EXOC6B: variants seen among roughly 807,000 people sequenced by gnomAD.
EXOC6B encodes exocyst complex component 6B, also known as SEC15 homolog B.
In EXOC6B, 54 loss-of-function variants were observed where a neutral mutation model predicts 113.5. The ratio of observed to expected loss-of-function variants is 0.48; its 90% CI spans 0.38 to 0.60. The LOEUF (loss-of-function observed/expected upper bound fraction) is 0.60, where lower values mean the gene tolerates loss of function less well. Among genes scored for constraint, EXOC6B ranks in the 20% least tolerant of loss-of-function variants. The probability of loss-of-function intolerance (pLI) is 0.00; values close to 1 mark genes in which losing one functional copy is unlikely to be tolerated. For synonymous variants in EXOC6B, 357 were observed against 339.0 expected (o/e 1.05, Z -0.58); for missense variants, 797 against 977.5 (o/e 0.82, Z 2.46).
chr2:72,429,304 T>C (rs994370918), intron 18 of EXOC6B, among the ~76,000 whole-genome samples: 1 of 152,214 alleles, frequency 6.6e-6, no homozygotes, highest in Non-Finnish European at 1.5e-5. Context: ...ATGAAGATAT[T>C]GAAAGATAAC....
At chr2:72,181,978 T>C (rs558860929) in intron 21 of EXOC6B, among the ~76,000 whole-genome samples, 1 of 152,340 alleles carries the variant, frequency 6.6e-6, no homozygotes, top group South Asian at 2.1e-4. Flanking sequence ...GCAGGTCTTT[T>C]GTCTTTCTGT....
intron 18 of EXOC6B, among the ~76,000 whole-genome samples, chr2:72,411,522 G>A (rs1488646567): frequency 1.3e-5 from 2 of 152,174 alleles, no homozygotes; most frequent in Non-Finnish European, 2.9e-5. Context: ...ATTGAAAAGG[G>A]AGGAGATTAA....
intron 18 of EXOC6B, among the ~76,000 whole-genome samples, chr2:72,397,979 G>A (rs540251148): frequency 3.3e-5 from 5 of 152,088 alleles, no homozygotes; most frequent in Admixed American, 3.3e-4. Flanking sequence ...CAAAGGAAAG[G>A]GTATAGCATT....
chr2:72,427,609 A>G (rs1237648648), intron 18 of EXOC6B, among the ~76,000 whole-genome samples: 1 of 152,172 alleles, frequency 6.6e-6, no homozygotes, highest in Non-Finnish European at 1.5e-5. Context: ...TGTGGGGAAC[A>G]TGAGGGGGTG....
intron 16 of EXOC6B, among the ~76,000 whole-genome samples, chr2:72,482,347 C>CT (rs533485047): frequency 2.2e-4 from 33 of 151,968 alleles, no homozygotes; most frequent in Non-Finnish European, 4.3e-4. Context: ...TAGAATGGAC[C>CT]TTTTTTTTGT....
At position 72,735,330 on chromosome 2, in the gene EXOC6B, C is replaced by T. The variant is rs576559080; in HGVS notation, c.280-2212G>A. Among the ~76,000 whole-genome samples, 11 of 152,238 alleles carry T rather than the reference C, an allele frequency of 7.2e-5. No individual in the cohort carries two copies. In the South Asian group the frequency reaches 1.5e-3, roughly 20 times the overall value. On this transcript the variant is annotated intron_variant, in intron 2 of 21. Coordinates refer to ENST00000272427, the MANE Select transcript of EXOC6B (RefSeq NM_015189.3). The stretch of plus-strand genomic sequence containing the variant: ...TCAGTACACAAGTATAGGGAACACA[C>T]ACACAATTTTCAAGAAACAATGTTT...
At chr2:72,713,220 T>A (rs1408952206) in intron 6 of EXOC6B, among the ~76,000 whole-genome samples, 1 of 152,004 alleles carries the variant, frequency 6.6e-6, no homozygotes, top group Non-Finnish European at 1.5e-5. Flanking sequence ...TCAGGACACA[T>A]TGGGTAGAAG....
intron 6 of EXOC6B, among the ~76,000 whole-genome samples, chr2:72,714,505 T>C (rs1017475871): frequency 6.6e-6 from 1 of 152,190 alleles, no homozygotes; most frequent in African/African-American, 2.4e-5. Context: ...CTCAGAAAAG[T>C]ATTAGCTCAT....
At chr2:72,719,651 G>A (rs1558947233) in intron 5 of EXOC6B, among the ~76,000 whole-genome samples, 1 of 152,170 alleles carries the variant, frequency 6.6e-6, no homozygotes, top group Admixed American at 6.5e-5. Flanking sequence ...ACTCACTCAA[G>A]TTTGTTTGAG....
chr2:72,472,624 T>A (rs1286122266), intron 17 of EXOC6B, among the ~76,000 whole-genome samples: 1 of 152,158 alleles, frequency 6.6e-6, no homozygotes, highest in Non-Finnish European at 1.5e-5. Flanking sequence ...GTGGTTGTTA[T>A]CAATTTTACC....
chr2:72,614,744 T>C (rs1240006776), intron 6 of EXOC6B, among the ~76,000 whole-genome samples: 1 of 152,126 alleles, frequency 6.6e-6, no homozygotes, highest in Non-Finnish European at 1.5e-5. Flanking sequence ...ACTGCAGAAC[T>C]ACAAGGACAA....
chr2:72,575,676 A>G lies in EXOC6B; in HGVS notation c.670-8T>C, dbSNP rs1405362962. The G allele has an allele frequency of 6.3e-7, 1 of 1,577,362 alleles. No individual in the cohort carries two copies. ...GTTTCTTTGCTGCTGGGCCTAGGAT[A>G]GAGAAGAACACACACAAACACACCA... On this transcript the variant is annotated splice_polypyrimidine_tract_variant and splice_region_variant and intron_variant, in intron 6 of 21. Transcript: ENST00000272427.
At chr2:72,515,271 A>G (rs1362104162) in intron 8 of EXOC6B, 145 bp from the exon 9 acceptor site, 1 of 914,104 alleles carries the variant, frequency 1.1e-6, no homozygotes, top group Non-Finnish European at 1.6e-6. Context: ...TGATAACAAT[A>G]GAAAATACAA....
chr2:72,535,408 A>G (rs1410841201), intron 8 of EXOC6B, among the ~76,000 whole-genome samples: 1 of 152,194 alleles, frequency 6.6e-6, no homozygotes, highest in South Asian at 2.1e-4. Context: ...CTAAGAATTC[A>G]TATTAGGGAT....
intron 8 of EXOC6B, among the ~76,000 whole-genome samples, chr2:72,558,542 G>T (rs538123568): frequency 6.6e-6 from 1 of 152,036 alleles, no homozygotes; most frequent in African/African-American, 2.4e-5. Flanking sequence ...AGACCCAGAC[G>T]GTGGATGACC....
At chr2:72,343,405 C>T (rs1689147992) in intron 19 of EXOC6B, among the ~76,000 whole-genome samples, 1 of 152,188 alleles carries the variant, frequency 6.6e-6, no homozygotes, top group South Asian at 2.1e-4. Flanking sequence ...CCAGCCTGGG[C>T]AACAGAGTGA....
At position 72,496,449 on chromosome 2, in the gene EXOC6B, C is replaced by G; in HGVS notation, c.1443+5G>C. 1 of 1,549,688 alleles carries G rather than the reference C, an allele frequency of 6.5e-7. No homozygotes were observed. The highest frequency in any genetic ancestry group is 8.8e-7 in the Non-Finnish European group (1 of 1,131,516). ...CAGAGAAATTTATTTTAAAGTATTC[C>G]TTACCTTTTCCAGTTCTATATCTTG... is the stretch of plus-strand genomic sequence containing the variant. On this transcript the variant is annotated splice_donor_5th_base_variant and intron_variant, in intron 14 of 21. Coordinates refer to ENST00000272427, the MANE Select transcript of EXOC6B (RefSeq NM_015189.3).
chr2:72,343,100 A>G (rs910793981), intron 19 of EXOC6B, among the ~76,000 whole-genome samples: 1 of 152,178 alleles, frequency 6.6e-6, no homozygotes, highest in African/African-American at 2.4e-5. Flanking sequence ...TTAGATTAAT[A>G]ATTTTTCTAA....
At chr2:72,676,836 C>T (rs1396285495) in intron 6 of EXOC6B, among the ~76,000 whole-genome samples, 1 of 152,126 alleles carries the variant, frequency 6.6e-6, no homozygotes, top group Non-Finnish European at 1.5e-5. Context: ...TGTGAAGTGA[C>T]TCATATCACA....
Sources: allele counts gnomAD v4.1 joint callset (sites outside exome capture counted in the v4.1 genomes callset), GRCh38; gene constraint gnomAD v4.1.1; transcripts MANE v1.5; gene names NCBI Gene and HGNC (gene_info 2026-07-23, HGNC 2026-07-21).